NPAS3: variants seen among roughly 807,000 people sequenced by gnomAD.
NPAS3 encodes neuronal PAS domain protein 3, also known as neuronal PAS domain-containing protein 3.
Under a neutral mutation model 73.1 loss-of-function variants are expected in NPAS3, and 14 were observed. That is an observed-to-expected ratio of 0.19 (90% CI 0.13 to 0.30). NPAS3 has a LOEUF of 0.30. Among genes scored for constraint, NPAS3 ranks in the 10% least tolerant of loss-of-function variants. NPAS3 has a pLI of 1.00. For synonymous variants in NPAS3, 620 were observed against 541.5 expected (o/e 1.14, Z -2.01); for missense variants, 1,096 against 1,250.0 (o/e 0.88, Z 1.86).
chr14:33,253,370 C>A (rs1011746383), intron 3 of NPAS3, among the ~76,000 whole-genome samples: 1 of 151,906 alleles, frequency 6.6e-6, no homozygotes, highest in African/African-American at 2.4e-5. Flanking sequence ...ACTGAAGGAA[C>A]CAGAATTAAA....
intron 4 of NPAS3, among the ~76,000 whole-genome samples, chr14:33,400,131 C>G (rs1262257745): frequency 1.3e-5 from 2 of 152,102 alleles, no homozygotes; most frequent in African/African-American, 2.4e-5. Flanking sequence ...TTTCCTTCAT[C>G]TTTTAACATT....
chr14:33,600,296 G>A (rs559758535), intron 5 of NPAS3, among the ~76,000 whole-genome samples: 135 of 152,224 alleles, frequency 8.9e-4, no homozygotes, highest in African/African-American at 3.1e-3. Context: ...CTCCCCCAAG[G>A]TAATTACTTG....
intron 1 of NPAS3, among the ~76,000 whole-genome samples, chr14:33,038,184 T>G (rs557699121): frequency 8.2e-4 from 125 of 152,358 alleles, no homozygotes; most frequent in African/African-American, 2.9e-3. Flanking sequence ...ATAAATGAAA[T>G]GATTTTTAAA....
chr14:33,361,976 G>T (rs1382398995), intron 3 of NPAS3, among the ~76,000 whole-genome samples: 1 of 152,022 alleles, frequency 6.6e-6, no homozygotes, highest in Non-Finnish European at 1.5e-5. Flanking sequence ...AAAGTACACT[G>T]AAAAAGCACT....
chr14:33,251,682 GA>G (rs999640886), intron 3 of NPAS3, among the ~76,000 whole-genome samples: 13 of 151,786 alleles, frequency 8.6e-5, no homozygotes, highest in African/African-American at 3.1e-4. Flanking sequence ...GAACAAATAT[GA>G]AAAAAATCTT....
chr14:33,290,665 C>A (rs2042062850), intron 3 of NPAS3, among the ~76,000 whole-genome samples: 2 of 152,126 alleles, frequency 1.3e-5, no homozygotes, highest in Admixed American at 1.3e-4. Context: ...CTCTACCGTG[C>A]ACACTAAAAA....
At chr14:33,232,273 G>A (rs1417056643) in intron 3 of NPAS3, among the ~76,000 whole-genome samples, 2 of 152,220 alleles carry the variant, frequency 1.3e-5, no homozygotes, top group African/African-American at 4.8e-5. Context: ...CAGATTAAGA[G>A]TGTGGGTGCT....
chr14:33,054,950 G>A (rs1188495452), intron 1 of NPAS3, among the ~76,000 whole-genome samples: 1 of 151,514 alleles, frequency 6.6e-6, no homozygotes, highest in Non-Finnish European at 1.5e-5. Flanking sequence ...TCCATCACAT[G>A]TTTTTAATTA....
At chr14:33,242,603 G>T (rs1349492903) in intron 3 of NPAS3, among the ~76,000 whole-genome samples, 1 of 152,050 alleles carries the variant, frequency 6.6e-6, no homozygotes, top group Non-Finnish European at 1.5e-5. Flanking sequence ...GAGAAGAGAG[G>T]TTCAGATGCG....
intron 4 of NPAS3, among the ~76,000 whole-genome samples, chr14:33,499,315 T>G (rs767259663): frequency 1.3e-5 from 2 of 151,874 alleles, no homozygotes; most frequent in Non-Finnish European, 2.9e-5. Flanking sequence ...GTTAGTACCC[T>G]ATCTTCCTTT....
intron 3 of NPAS3, among the ~76,000 whole-genome samples, chr14:33,246,705 T>C (rs2048396455): frequency 6.8e-6 from 1 of 147,628 alleles, no homozygotes. Flanking sequence ...AATGAAATAG[T>C]AGGCAGGCCG....
At chr14:33,216,653 A>G (rs567996291) in intron 3 of NPAS3, among the ~76,000 whole-genome samples, 4 of 152,180 alleles carry the variant, frequency 2.6e-5, no homozygotes, top group African/African-American at 9.7e-5. Context: ...CTGTTGTAGC[A>G]TAAAATTAGC....
chr14:33,074,771 T>C (rs2041603951), intron 2 of NPAS3, among the ~76,000 whole-genome samples: 1 of 152,202 alleles, frequency 6.6e-6, no homozygotes, highest in South Asian at 2.1e-4. Context: ...GCTACGTAAA[T>C]GTGTTTGCTA....
chr14:33,643,668 G>A (rs1314130649), intron 5 of NPAS3, among the ~76,000 whole-genome samples: 1 of 152,118 alleles, frequency 6.6e-6, no homozygotes, highest in African/African-American at 2.4e-5. Context: ...CACATATTCA[G>A]CTACTTTGCC....
chr14:33,080,008 G>A (rs1322480895), intron 2 of NPAS3, among the ~76,000 whole-genome samples: 1 of 152,180 alleles, frequency 6.6e-6, no homozygotes, highest in Non-Finnish European at 1.5e-5. Context: ...TTAAAAATAT[G>A]TTTCTCACCC....
At chr14:33,665,170 T>C (rs1019336237) in intron 5 of NPAS3, among the ~76,000 whole-genome samples, 4 of 152,192 alleles carry the variant, frequency 2.6e-5, no homozygotes, top group African/African-American at 7.2e-5. Flanking sequence ...TGGAATACTA[T>C]GCAGCCATAA....
At chr14:33,503,049 G>A (rs191473012) in intron 4 of NPAS3, among the ~76,000 whole-genome samples, 9 of 151,974 alleles carry the variant, frequency 5.9e-5, no homozygotes, top group Admixed American at 2.0e-4. Context: ...TCAAAAAATG[G>A]CATGTATTAA....
At chr14:32,937,943 C>T (rs2035751778), upstream of NPAS3, among the ~76,000 whole-genome samples, 1 of 152,244 alleles carries the variant, frequency 6.6e-6, no homozygotes, top group East Asian at 1.9e-4. Flanking sequence ...TAGCCCGGGC[C>T]CTGCACTGAG....
intron 2 of NPAS3, among the ~76,000 whole-genome samples, chr14:33,103,946 A>T (rs2042649073): frequency 2.6e-5 from 4 of 152,140 alleles, no homozygotes; most frequent in Admixed American, 2.0e-4. Context: ...TTAAAGGAAA[A>T]GGGGGAAAAA....
Sources: gnomAD v4.1 joint callset for allele counts (sites outside exome capture counted in the v4.1 genomes callset) on GRCh38, gnomAD v4.1.1 for gene constraint, MANE v1.5 for transcripts, NCBI Gene and HGNC (gene_info 2026-07-23, HGNC 2026-07-21) for gene names.